The following SCFD1 variants were observed in gnomAD, a reference collection of about 807,000 sequenced individuals.
SCFD1 encodes sec1 family domain-containing protein 1.
Under a neutral mutation model 103.2 loss-of-function variants are expected in SCFD1, and 37 were observed. That is an observed-to-expected ratio of 0.36 (90% CI 0.28 to 0.47). The LOEUF is 0.47. Among genes scored for constraint, SCFD1 ranks in the 20% least tolerant of loss-of-function variants. The probability of loss-of-function intolerance (pLI) is 1.00; values close to 1 mark genes in which losing one functional copy is unlikely to be tolerated. For missense variants in SCFD1, 639 were observed against 761.2 expected (o/e 0.84, Z 1.89); for synonymous variants, 264 against 245.0 (o/e 1.08, Z -0.73).
Position 30,659,303 on chromosome 14 carries a change from T to C in SCFD1, c.855+5715T>C, listed in dbSNP as rs1376648788. Among the ~76,000 whole-genome samples, 10 of 152,060 alleles carry C rather than the reference T, an allele frequency of 6.6e-5. No individual in the cohort carries two copies. In the East Asian group the frequency reaches 1.7e-3, roughly 26 times the overall value. On this transcript the variant is annotated intron_variant, in intron 10 of 24. Transcript: ENST00000458591. Reference sequence around the variant, plus strand: ...AAAATATTTGCATTTCAACATAATATAGGATCATGTAATCAATTAATAATT... The same window carrying C: ...AAAATATTTGCATTTCAACATAATACAGGATCATGTAATCAATTAATAATT...
At chr14:30,643,448 T>TTG in intron 7 of SCFD1, 43 bp downstream of exon 7, 6 of 1,306,220 alleles carry the variant, frequency 4.6e-6, no homozygotes, top group Non-Finnish European at 6.7e-6. Flanking sequence ...AAGTAAATTA[T>TTG]TTAACAAGTA....
intron 10 of SCFD1, among the ~76,000 whole-genome samples, chr14:30,666,933 A>T (rs115839374): frequency 0.035 from 5,276 of 152,188 alleles, 121 homozygotes; most frequent in Middle Eastern, 0.061. Context: ...CCAAAAAAAA[A>T]GTCCAGGACC....
chr14:30,623,514 G>T (rs1883069636), intron 1 of SCFD1, among the ~76,000 whole-genome samples: 5 of 152,134 alleles, frequency 3.3e-5, no homozygotes, highest in Admixed American at 2.0e-4. Flanking sequence ...GTTCAAATAA[G>T]ATTTGGGGCA....
At chr14:30,721,567 C>G (rs1035512777) in intron 21 of SCFD1, 1 of 267,198 alleles carries the variant, frequency 3.7e-6, no homozygotes, top group Non-Finnish European at 6.9e-6. Context: ...TATGCCTTAT[C>G]CATTCACCAC....
rs372547725 is a variant in SCFD1, at chr14:30,631,535, T to C, written c.221+970T>C. Among the ~76,000 whole-genome samples the C allele has an allele frequency of 3.9e-4, 60 of 152,210 alleles. No individual in the cohort carries two copies. The South Asian group carries it at 7.9e-3, about 20-fold the overall frequency. ...AGTCAAAAAATCCTAAGTTGAACCA[T>C]TGTAAGTCAGGGAGTGTCTATATTT... On this transcript the variant is annotated intron_variant, in intron 3 of 24. Transcript: ENST00000458591.
At chr14:30,622,845 G>A (rs1423145410) in intron 1 of SCFD1, among the ~76,000 whole-genome samples, 2 of 152,132 alleles carry the variant, frequency 1.3e-5, no homozygotes, top group Admixed American at 6.5e-5. Context: ...TCTCTACTTC[G>A]GACCAGTCTT....
At position 30,630,955 on chromosome 14, in the gene SCFD1, C is replaced by T. The variant is rs114592014; in HGVS notation, c.221+390C>T. 851 of 177,922 alleles carry T rather than the reference C, an allele frequency of 4.8e-3. 10 individuals are homozygous for T. Among genetic ancestry groups the T allele is most frequent in the African/African-American group, 0.019 (779 of 41,730 alleles). 11.0% of individuals were successfully genotyped at this position (177,922 alleles called of 1,614,324 possible). On this transcript the variant is annotated intron_variant, in intron 3 of 24. Transcript: ENST00000458591. ...GTAAGTCAAAAAAATGCATTTAATA[C>T]ACCTAACCTACCAAACATCATAGCT...
At chr14:30,656,550 T>TA (rs1281487902) in intron 10 of SCFD1, among the ~76,000 whole-genome samples, 1 of 152,100 alleles carries the variant, frequency 6.6e-6, no homozygotes, top group Non-Finnish European at 1.5e-5. Flanking sequence ...CAAAACGTCT[T>TA]ACACACGCCA....
chr14:30,641,168 A>G (rs1236234276), intron 6 of SCFD1, among the ~76,000 whole-genome samples: 2 of 152,186 alleles, frequency 1.3e-5, no homozygotes, highest in African/African-American at 4.8e-5. Flanking sequence ...GTAATCATAT[A>G]CCTAATTGTC....
chr14:30,681,477 A>G (rs1889477047), intron 14 of SCFD1, among the ~76,000 whole-genome samples: 1 of 152,006 alleles, frequency 6.6e-6, no homozygotes, highest in South Asian at 2.1e-4. Flanking sequence ...GCATAAGTCA[A>G]TACATAGGAT....
chr14:30,683,532 T>A, intron 14 of SCFD1: 1 of 295,904 alleles, frequency 3.4e-6, no homozygotes, highest in Middle Eastern at 1.0e-3. Flanking sequence ...GCACCCCAGC[T>A]TGGCTCTGCT....
intron 14 of SCFD1, among the ~76,000 whole-genome samples, chr14:30,680,204 A>C (rs1359783739): frequency 6.6e-6 from 1 of 152,232 alleles, no homozygotes; most frequent in Non-Finnish European, 1.5e-5. Flanking sequence ...GACCTAGTTT[A>C]ATAGGTTCAT....
At chr14:30,666,309 G>A (rs1371614665) in intron 10 of SCFD1, among the ~76,000 whole-genome samples, 3 of 151,960 alleles carry the variant, frequency 2.0e-5, no homozygotes, top group Admixed American at 1.3e-4. Context: ...ATGACTAATG[G>A]GTAAATAACG....
rs1888319201 is a variant in SCFD1 at position 30,669,332 on chromosome 14, G to A, written c.856-924G>A. ...TCATGCTGGATAATTTCTCCATACT[G>A]TGTCTTCCTTCTTCATCAATCATTT... On this transcript the variant is annotated intron_variant, in intron 10 of 24. Coordinates refer to ENST00000458591, the MANE Select transcript of SCFD1 (RefSeq NM_016106.4). 1.3e-5 allele frequency among the ~76,000 whole-genome samples: 2 copies of A among 151,980 alleles called. 1 individual carries two copies. Among genetic ancestry groups the A allele is most frequent in the South Asian group, 4.1e-4 (2 of 4,824 alleles).
chr14:30,674,008 A>T lies in SCFD1; in HGVS notation c.1160+11A>T. 6.2e-7 allele frequency: 1 copy of T among 1,601,744 alleles called. No individual in the cohort carries two copies. Among genetic ancestry groups the T allele is most frequent in the South Asian group, 1.1e-5 (1 of 90,308 alleles). On this transcript the variant is annotated intron_variant, in intron 13 of 24. Coordinates refer to ENST00000458591, the MANE Select transcript of SCFD1 (RefSeq NM_016106.4). ...AACATCAGCTGTTAGGTAAGTGAGCAGTATATCCTCTTTGAAGTCTTTCTG... is the reference window on the plus strand; with the variant it reads ...AACATCAGCTGTTAGGTAAGTGAGCTGTATATCCTCTTTGAAGTCTTTCTG...
rs1356955481 is a variant in SCFD1 at position 30,667,026 on chromosome 14, G to A, written c.856-3230G>A. Among the ~76,000 whole-genome samples the A allele has an allele frequency of 3.9e-5, 6 of 152,178 alleles. No homozygotes were observed. In the South Asian group the frequency reaches 1.2e-3, roughly 32 times the overall value. On this transcript the variant is annotated intron_variant, in intron 10 of 24. Coordinates refer to ENST00000458591, the MANE Select transcript of SCFD1 (RefSeq NM_016106.4). ...TCTGAAACTATTCCAGTCAATAGAA[G>A]AAGAGGGAATCCTCCCTAACTCATT...
chr14:30,712,391 C>A (rs937366394), intron 19 of SCFD1, among the ~76,000 whole-genome samples: 1 of 152,100 alleles, frequency 6.6e-6, no homozygotes. Context: ...TACAAATAGT[C>A]ACCATAGATC....
chr14:30,689,841 C>G (rs1325332016), intron 14 of SCFD1, among the ~76,000 whole-genome samples: 1 of 140,004 alleles, frequency 7.1e-6, no homozygotes. Context: ...CAGCTTTGTT[C>G]TGTTGCTGGT....
chr14:30,670,301 G>C lies in SCFD1; in HGVS notation c.901G>C (p.Glu301Gln). ...RVNLEESSGV[E>Q]NSPAGARPKR... ...TAATTTGGAAGAATCTTCAGGAGTGGAAAACTCTCCAGCTGGTGCTAGACC... is the reference window on the plus strand; with the variant it reads ...TAATTTGGAAGAATCTTCAGGAGTGCAAAACTCTCCAGCTGGTGCTAGACC... The change falls in exon 11 of 25, where the codon GAA becomes CAA. Residue 301 changes from glutamate (E) to glutamine (Q), a missense_variant. Physicochemically the swap from Glu to Gln is conservative, Grantham distance 29 (BLOSUM62 2). Transcript: ENST00000458591. The C allele has an allele frequency of 1.3e-6, 2 of 1,597,122 alleles. No individual in the cohort carries two copies. The highest frequency in any genetic ancestry group is 2.3e-5 in the South Asian group (2 of 87,472).
Sources: gnomAD v4.1 joint callset for allele counts (sites outside exome capture counted in the v4.1 genomes callset) on GRCh38, gnomAD v4.1.1 for gene constraint, MANE v1.5 for transcripts, NCBI Gene and HGNC (gene_info 2026-07-23, HGNC 2026-07-21) for gene names.